Variants in UNC13C observed in about 807,000 individuals in gnomAD.
UNC13C encodes the protein unc-13 homolog C.
Under a neutral mutation model 245.4 loss-of-function variants are expected in UNC13C, and 174 were observed. That is an observed-to-expected ratio of 0.71 (90% CI 0.63 to 0.80). The LOEUF is 0.80. UNC13C is among the 30% of genes least tolerant of loss of function. The pLI, the probability that UNC13C is intolerant of heterozygous loss-of-function variation, is 0.00. For missense variants in UNC13C, 2,829 were observed against 2,602.9 expected (o/e 1.09, Z -1.89); for synonymous variants, 992 against 895.1 (o/e 1.11, Z -1.93).
the UNC13C span, among the ~76,000 whole-genome samples, chr15:53,937,572 C>T: frequency 6.6e-6 from 1 of 152,066 alleles, no homozygotes; most frequent in Non-Finnish European, 1.5e-5. Context: ...AACCCCAAGA[C>T]ACATAATCAT....
At chr15:54,257,542 G>A (rs1259650767) in intron 8 of UNC13C, among the ~76,000 whole-genome samples, 2 of 152,190 alleles carry the variant, frequency 1.3e-5, no homozygotes, top group Non-Finnish European at 2.9e-5. Context: ...GTAGGCTCTT[G>A]GTGCCAGGCT....
At chr15:54,253,691 A>T (rs1271392493) in intron 8 of UNC13C, among the ~76,000 whole-genome samples, 1 of 152,188 alleles carries the variant, frequency 6.6e-6, no homozygotes, top group East Asian at 1.9e-4. Flanking sequence ...ACGTGTAAGG[A>T]ACTTGCTGTA....
intron 19 of UNC13C, among the ~76,000 whole-genome samples, chr15:54,469,794 T>C (rs1414290918): frequency 1.3e-5 from 2 of 151,560 alleles, no homozygotes; most frequent in East Asian, 3.9e-4. Flanking sequence ...TGTACTATGC[T>C]GAACAGAAGT....
At chr15:54,348,608 A>G (rs1405883642) in intron 17 of UNC13C, among the ~76,000 whole-genome samples, 1 of 152,168 alleles carries the variant, frequency 6.6e-6, no homozygotes, top group Non-Finnish European at 1.5e-5. Flanking sequence ...AGAATAGTCT[A>G]AAGGGGCAAC....
intron 2 of UNC13C, among the ~76,000 whole-genome samples, chr15:54,108,193 C>CTT (rs11340883): frequency 6.6e-6 from 1 of 150,500 alleles, no homozygotes; most frequent in African/African-American, 2.4e-5. Context: ...CTAAATAATA[C>CTT]TTTTTTTTTT....
chr15:54,498,812 C>A (rs1455713852), intron 20 of UNC13C, among the ~76,000 whole-genome samples: 8 of 151,982 alleles, frequency 5.3e-5, no homozygotes, highest in Non-Finnish European at 1.2e-4. Context: ...GATAGCAATT[C>A]CCCCCACATG....
intron 13 of UNC13C, among the ~76,000 whole-genome samples, chr15:54,301,296 T>G (rs910407844): frequency 5.3e-5 from 8 of 151,722 alleles, no homozygotes; most frequent in African/African-American, 9.7e-5. Context: ...TTTGTTTTTT[T>G]TTTTTTTTTG....
intron 2 of UNC13C, among the ~76,000 whole-genome samples, chr15:54,081,926 C>G (rs181559050): frequency 6.6e-6 from 1 of 152,236 alleles, no homozygotes; most frequent in Non-Finnish European, 1.5e-5. Flanking sequence ...AAGTATCATC[C>G]TTTCATTTCC....
intron 8 of UNC13C, among the ~76,000 whole-genome samples, chr15:54,259,600 G>A (rs183920598): frequency 1.7e-4 from 26 of 152,276 alleles, no homozygotes; most frequent in African/African-American, 2.6e-4. Flanking sequence ...GGGAATTATG[G>A]GAGCTACAAT....
At chr15:54,626,361 A>G (rs934232120) in intron 32 of UNC13C, among the ~76,000 whole-genome samples, 1 of 152,150 alleles carries the variant, frequency 6.6e-6, no homozygotes, top group Non-Finnish European at 1.5e-5. Flanking sequence ...TGGGCTGTGC[A>G]GTGTATTCCC....
chr15:53,924,830 A>C, the UNC13C span, among the ~76,000 whole-genome samples: 8,307 of 152,296 alleles, frequency 0.055, 383 homozygotes, highest in East Asian at 0.21. Flanking sequence ...ATCAAAATTT[A>C]CTTTTTAAAG....
chr15:54,132,702 A>T (rs533147242), intron 2 of UNC13C, among the ~76,000 whole-genome samples: 1 of 152,326 alleles, frequency 6.6e-6, no homozygotes, highest in South Asian at 2.1e-4. Context: ...TTTGGCTCCC[A>T]TGTGATGACT....
intron 31 of UNC13C, 61 bp downstream of exon 31, chr15:54,622,480 T>C (rs1900857582): frequency 2.5e-6 from 3 of 1,218,622 alleles, no homozygotes; most frequent in Non-Finnish European, 3.6e-6. Context: ...AGTACTGATA[T>C]CAGCAATGTA....
chr15:54,586,355 C>T (rs1053501856), intron 30 of UNC13C, among the ~76,000 whole-genome samples: 2 of 152,166 alleles, frequency 1.3e-5, no homozygotes, highest in Non-Finnish European at 2.9e-5. Flanking sequence ...GCTGAAAGCC[C>T]AAGATGAAGG....
At chr15:54,528,016 G>A (rs1895553016) in intron 25 of UNC13C, among the ~76,000 whole-genome samples, 1 of 151,500 alleles carries the variant, frequency 6.6e-6, no homozygotes, top group Admixed American at 6.5e-5. Context: ...AATTGGCAGT[G>A]TAGAGTTTTA....
chr15:54,235,120 C>A lies in UNC13C; in HGVS notation c.3150+12C>A. Reference sequence around the variant, plus strand: ...TTGTCCGAGATGTGGTAAGTTACAACTGTTTAATTCTCTTCGATTGCATGT... The same window carrying A: ...TTGTCCGAGATGTGGTAAGTTACAAATGTTTAATTCTCTTCGATTGCATGT... On this transcript the variant is annotated intron_variant, in intron 5 of 32. Transcript: ENST00000260323. The A allele has an allele frequency of 6.2e-7, 1 of 1,611,696 alleles. No homozygotes were observed. Among genetic ancestry groups the A allele is most frequent in the Non-Finnish European group, 8.5e-7 (1 of 1,177,950 alleles).
At chr15:54,614,694 G>C (rs576554178) in intron 30 of UNC13C, among the ~76,000 whole-genome samples, 1 of 151,992 alleles carries the variant, frequency 6.6e-6, no homozygotes, top group South Asian at 2.1e-4. Context: ...CTGAATTTTA[G>C]GAGGAAAAAT....
intron 4 of UNC13C, among the ~76,000 whole-genome samples, chr15:54,196,113 G>T (rs2034345021): frequency 6.6e-6 from 1 of 152,040 alleles, no homozygotes; most frequent in African/African-American, 2.4e-5. Flanking sequence ...AGGAGATGAG[G>T]TTTATTTTTC....
chr15:53,971,311 A>T, the UNC13C span, among the ~76,000 whole-genome samples: 1 of 152,244 alleles, frequency 6.6e-6, no homozygotes, highest in Middle Eastern at 3.2e-3. Flanking sequence ...AAAATGGATT[A>T]TAGTTTACAA....
Sources: gnomAD v4.1 joint callset for allele counts (sites outside exome capture counted in the v4.1 genomes callset) on GRCh38, gnomAD v4.1.1 for gene constraint, MANE v1.5 for transcripts, NCBI Gene and HGNC (gene_info 2026-07-23, HGNC 2026-07-21) for gene names.